Variants in INSC observed in about 807,000 individuals in gnomAD.
The protein encoded by INSC is protein inscuteable homolog.
INSC carries 67 observed loss-of-function variants against 58.6 expected under a neutral mutation model. That is an observed-to-expected ratio of 1.14 (90% confidence interval 0.94 to 1.40). INSC has a LOEUF of 1.40. Ranked by LOEUF, INSC falls within the 40% of genes most tolerant of loss-of-function variation. INSC has a pLI of 0.00. For missense variants in INSC, 714 were observed against 692.0 expected, an observed-to-expected ratio of 1.03 and a Z score of -0.36; for synonymous variants, 262 against 276.1, an observed-to-expected ratio of 0.95 and a Z score of 0.51.
Position 15,216,971 on chromosome 11 carries a change from G to A in INSC, c.820-4506G>A, listed in dbSNP as rs76449921. 1.7e-3 allele frequency among the ~76,000 whole-genome samples: 263 copies of A among 152,212 alleles called. 1 individual carries two copies. The highest frequency in any genetic ancestry group is 5.8e-3 in the African/African-American group (240 of 41,526). ...GGTCCTCTGAAGTTGTTACTTTTAG[G>A]CCTATTTTATAAGAAGGAAAAAAAC... On this transcript the variant is annotated intron_variant, in intron 7 of 12. Transcript: ENST00000379556.
chr11:15,229,053 G>A (rs1290425329), intron 9 of INSC, among the ~76,000 whole-genome samples: 1 of 152,164 alleles, frequency 6.6e-6, no homozygotes, highest in Non-Finnish European at 1.5e-5. Context: ...TCTGACAGGG[G>A]GAGGTAGGAA....
intron 9 of INSC, among the ~76,000 whole-genome samples, chr11:15,229,155 T>C (rs576016391): frequency 2.0e-5 from 3 of 152,294 alleles, no homozygotes; most frequent in Non-Finnish European, 4.4e-5. Context: ...TCTTATCTAA[T>C]ATATAATAGA....
In INSC at chr11:15,183,078, C is replaced by T. The variant is rs529940178; in HGVS notation, c.579+4631C>T. ...AATTGTGTATTTTGGCTGGGTGTGGCGACTCACGCTTGTAATCTCAGCACT... is the reference window on the plus strand; with the variant it reads ...AATTGTGTATTTTGGCTGGGTGTGGTGACTCACGCTTGTAATCTCAGCACT... On this transcript the variant is annotated intron_variant, in intron 5 of 12. Coordinates refer to ENST00000379556, the MANE Select transcript of INSC (RefSeq NM_001042536.3). Among the ~76,000 whole-genome samples the T allele has an allele frequency of 1.4e-3, 213 of 152,002 alleles. 1 individual carries two copies. The South Asian group carries it at 0.014, about 10-fold the overall frequency.
chr11:15,235,696 A>G (rs545831611), intron 10 of INSC, 28 bp downstream of exon 10: 73 of 1,574,654 alleles, frequency 4.6e-5, no homozygotes, highest in East Asian at 4.0e-4. Context: ...TGTACATGTT[A>G]TGTGGATTAT....
At chr11:15,253,707 C>T in the INSC span, among the ~76,000 whole-genome samples, 170 of 151,308 alleles carry the variant, frequency 1.1e-3, 1 homozygote, top group Non-Finnish European at 6.9e-4. Flanking sequence ...GAAGGGGTGA[C>T]GTCAAGCCCT....
At chr11:15,153,552 T>C (rs965912792) in intron 2 of INSC, among the ~76,000 whole-genome samples, 40 of 152,258 alleles carry the variant, frequency 2.6e-4, no homozygotes, top group African/African-American at 9.4e-4. Flanking sequence ...GATATTTTTC[T>C]GTTGTTTAAG....
chr11:15,217,619 C>A (rs924359372), intron 7 of INSC, among the ~76,000 whole-genome samples: 3 of 152,116 alleles, frequency 2.0e-5, no homozygotes, highest in Admixed American at 1.3e-4. Flanking sequence ...ATATGAAGAT[C>A]AACTTGCTGG....
rs544414206 is a variant in INSC, at chr11:15,151,823, C to T, written c.56+2593C>T. On this transcript the variant is annotated intron_variant, in intron 2 of 12. Transcript: ENST00000379556. ...TGTAAGCTGGAGCCCAGGGTCCACA[C>T]AGGGCTGGGTCCAGATGTCCCCTTC... 8.3e-4 allele frequency among the ~76,000 whole-genome samples: 126 copies of T among 152,294 alleles called. 2 individuals carry two copies. Among genetic ancestry groups the T allele is most frequent in the African/African-American group, 2.8e-3 (115 of 41,556 alleles).
At chr11:15,179,168 G>C (rs769428425) in intron 5 of INSC, among the ~76,000 whole-genome samples, 2 of 152,060 alleles carry the variant, frequency 1.3e-5, no homozygotes, top group Non-Finnish European at 2.9e-5. Context: ...CTATAAATTG[G>C]TAAACCTTCT....
chr11:15,180,381 C>T (rs7938311), intron 5 of INSC, among the ~76,000 whole-genome samples: 1,972 of 152,212 alleles, frequency 0.013, 50 homozygotes, highest in African/African-American at 0.045. Flanking sequence ...TATGAGGCAG[C>T]AAAGAGGCAG....
In INSC at chr11:15,225,646, C is replaced by A. The variant is rs1458872805; in HGVS notation, c.992-4C>A. 6.2e-7 allele frequency: 1 copy of A among 1,613,522 alleles called. No individual in the cohort carries two copies. The highest frequency in any genetic ancestry group is 8.5e-7 in the Non-Finnish European group (1 of 1,179,656). On this transcript the variant is annotated splice_region_variant and splice_polypyrimidine_tract_variant and intron_variant, in intron 8 of 12. Transcript: ENST00000379556. ...AAGTTATTTTCTTTCTCTTTGCCAT[C>A]CAGAACTGTGCCAAGAGGCCTCATC...
intron 1 of INSC, among the ~76,000 whole-genome samples, chr11:15,118,062 T>A (rs1847776553): frequency 1.3e-5 from 2 of 152,178 alleles, no homozygotes. Flanking sequence ...CCTGCCCAAC[T>A]CAGGGCTCTC....
chr11:15,260,881 T>C, the INSC span, among the ~76,000 whole-genome samples: 1 of 152,144 alleles, frequency 6.6e-6, no homozygotes, highest in African/African-American at 2.4e-5. Context: ...TTAAATATAA[T>C]TATATATAGG....
intron 7 of INSC, among the ~76,000 whole-genome samples, chr11:15,208,121 C>T (rs1850879140): frequency 6.6e-6 from 1 of 152,202 alleles, no homozygotes; most frequent in Non-Finnish European, 1.5e-5. Flanking sequence ...GCAAAAAAAT[C>T]TTTGCTTAAT....
the INSC span, among the ~76,000 whole-genome samples, chr11:15,269,373 T>C: frequency 1.3e-5 from 2 of 152,042 alleles, no homozygotes; most frequent in Non-Finnish European, 1.5e-5. Flanking sequence ...TTTTTCCTAA[T>C]CTGAAATTAA....
chr11:15,129,794 A>G (rs909805151), intron 1 of INSC, among the ~76,000 whole-genome samples: 2 of 152,234 alleles, frequency 1.3e-5, no homozygotes, highest in African/African-American at 4.8e-5. Context: ...TTCTACATAG[A>G]GAATGAGGAT....
At chr11:15,185,809 C>G (rs1268774701) in intron 5 of INSC, among the ~76,000 whole-genome samples, 1 of 152,224 alleles carries the variant, frequency 6.6e-6, no homozygotes, top group East Asian at 1.9e-4. Context: ...TTTATGTCAA[C>G]ATTTGCAATT....
rs562551460 is a variant in INSC, at chr11:15,160,104, G to T, written c.56+10874G>T. Reference sequence around the variant, plus strand: ...ACAAGATCTGCCCTGCATCATCTAGGGGGTAAGGCAGACATTTAAAAGTTG... The same window carrying T: ...ACAAGATCTGCCCTGCATCATCTAGTGGGTAAGGCAGACATTTAAAAGTTG... On this transcript the variant is annotated intron_variant, in intron 2 of 12. Coordinates refer to ENST00000379556, the MANE Select transcript of INSC (RefSeq NM_001042536.3). Among the ~76,000 whole-genome samples, 334 of 152,242 alleles carry T rather than the reference G, an allele frequency of 2.2e-3. 1 individual carries two copies. Among genetic ancestry groups the T allele is most frequent in the Non-Finnish European group, 2.4e-3 (165 of 68,024 alleles).
At chr11:15,191,015 CTG>C (rs5789867) in intron 6 of INSC, among the ~76,000 whole-genome samples, 1,764 of 145,860 alleles carry the variant, frequency 0.012, 38 homozygotes, top group African/African-American at 0.043. Flanking sequence ...GAGTCTCACT[CTG>C]TCACCCAGGC....
Sources: gnomAD v4.1 joint callset for allele counts (sites outside exome capture counted in the v4.1 genomes callset) on GRCh38, gnomAD v4.1.1 for gene constraint, MANE v1.5 for transcripts, NCBI Gene and HGNC (gene_info 2026-07-23, HGNC 2026-07-21) for gene names.